The following LRCH1 variants were observed in gnomAD, a reference collection of about 807,000 sequenced individuals.
The protein encoded by LRCH1 is leucine rich repeats and calponin homology domain containing 1.
Under a neutral mutation model 94.9 loss-of-function variants are expected in LRCH1, and 23 were observed. The observed-to-expected ratio is 0.24, with a 90% CI of 0.17 to 0.34. The LOEUF (loss-of-function observed/expected upper bound fraction) is 0.34. Among genes scored for constraint, LRCH1 ranks in the 10% least tolerant of loss-of-function variants. LRCH1 has a pLI of 1.00. For missense variants in LRCH1, 790 were observed against 945.9 expected (o/e 0.84, Z 2.16); for synonymous variants, 364 against 354.9 (o/e 1.03, Z -0.29).
Position 46,692,780 on chromosome 13 carries a change from G to T in LRCH1, c.1120+139G>T. ...ACCAGGTACTGTGTTCTTCTGGGAA[G>T]TTGAGCTGATTTAAAATTTAAAAGT... On this transcript the variant is annotated intron_variant, in intron 8 of 19. Transcript: ENST00000389797. The T allele has an allele frequency of 4.8e-6, 3 of 626,932 alleles. No individual in the cohort carries two copies. The South Asian group carries it at 6.3e-5, about 13-fold the overall frequency. The allele number at this position is 626,932 out of a possible 1,614,324, so 38.8% of individuals were successfully genotyped here.
At chr13:46,560,761 C>T (rs2050121781) in intron 1 of LRCH1, among the ~76,000 whole-genome samples, 1 of 152,164 alleles carries the variant, frequency 6.6e-6, no homozygotes, top group Non-Finnish European at 1.5e-5. Flanking sequence ...CCAAGTCAGA[C>T]TTAATGTAGG....
At chr13:46,578,646 C>G (rs1005905604) in intron 1 of LRCH1, among the ~76,000 whole-genome samples, 7 of 152,188 alleles carry the variant, frequency 4.6e-5, no homozygotes, top group African/African-American at 1.4e-4. Context: ...ATATGCTGGT[C>G]TTTTGGACTC....
At chr13:46,642,131 T>C (rs1162458411) in intron 1 of LRCH1, among the ~76,000 whole-genome samples, 1 of 152,226 alleles carries the variant, frequency 6.6e-6, no homozygotes, top group Non-Finnish European at 1.5e-5. Flanking sequence ...ACTAAAGACA[T>C]GTGCTCTTCT....
Position 46,681,855 on chromosome 13 carries a change from G to T in LRCH1, c.685+9G>T. ...TAAAGTTTTACCACAAGGTAAAAAA[G>T]AAAGAGGGAAAATGAAGAAAATGGG... On this transcript the variant is annotated intron_variant, in intron 4 of 19. Coordinates refer to ENST00000389797, the MANE Select transcript of LRCH1 (RefSeq NM_001164211.2). 6.5e-7 allele frequency: 1 copy of T among 1,548,892 alleles called. No individual in the cohort carries two copies. Among genetic ancestry groups the T allele is most frequent in the Non-Finnish European group, 8.9e-7 (1 of 1,122,698 alleles).
intron 1 of LRCH1, among the ~76,000 whole-genome samples, chr13:46,634,133 C>T (rs1205724673): frequency 2.6e-5 from 4 of 152,190 alleles, no homozygotes; most frequent in Admixed American, 2.0e-4. Context: ...CCGCCTCAGC[C>T]TCCCAAAGTG....
chr13:46,681,738 C>T lies in LRCH1; in HGVS notation c.580-3C>T. Reference sequence around the variant, plus strand: ...ATTATTTCTCTCTCTGCTTTTGATACAGGATGTCAGCTGCAACGAGATCAC... The same window carrying T: ...ATTATTTCTCTCTCTGCTTTTGATATAGGATGTCAGCTGCAACGAGATCAC... On this transcript the variant is annotated splice_polypyrimidine_tract_variant and splice_region_variant and intron_variant, in intron 3 of 19. Transcript: ENST00000389797. 2.5e-6 allele frequency: 4 copies of T among 1,595,688 alleles called. No homozygotes were observed. Among genetic ancestry groups the T allele is most frequent in the Non-Finnish European group, 3.4e-6 (4 of 1,163,326 alleles).
In LRCH1 at chr13:46,701,053, T is replaced by A. The variant is rs1298180388; in HGVS notation, c.1314-68T>A. On this transcript the variant is annotated intron_variant, in intron 10 of 19. Coordinates refer to ENST00000389797, the MANE Select transcript of LRCH1 (RefSeq NM_001164211.2). ...AGATGGATTTTTGTAAGTTTGCTTT[T>A]TAAGAAATTAGATGATATTCATGTT... The A allele has an allele frequency of 4.1e-6, 4 of 979,238 alleles. No individual in the cohort carries two copies. In the Admixed American group the frequency reaches 6.0e-5, roughly 15 times the overall value. The allele number at this position is 979,238 out of a possible 1,614,324, so 60.7% of individuals were successfully genotyped here. A position where few individuals can be genotyped will look rare whatever the true frequency, so the allele number is the denominator to read the frequency against.
intron 1 of LRCH1, among the ~76,000 whole-genome samples, chr13:46,601,758 A>G (rs1024234961): frequency 6.6e-6 from 1 of 152,212 alleles, no homozygotes; most frequent in Non-Finnish European, 1.5e-5. Context: ...ATGATCACGT[A>G]GGACCAGGCT....
chr13:46,740,433 G>A (rs1275351945), intron 19 of LRCH1, among the ~76,000 whole-genome samples: 2 of 152,162 alleles, frequency 1.3e-5, no homozygotes, highest in Admixed American at 6.5e-5. Flanking sequence ...CTACTTAACT[G>A]AGGGTATCGA....
chr13:46,612,054 C>G (rs201353371), intron 1 of LRCH1, among the ~76,000 whole-genome samples: 1 of 151,994 alleles, frequency 6.6e-6, no homozygotes, highest in African/African-American at 2.4e-5. Flanking sequence ...TTTTCCCCAG[C>G]AAAACAAAAC....
Position 46,553,659 on chromosome 13 carries a change from G to C in LRCH1, c.263G>C (p.Arg88Pro), listed in dbSNP as rs960794885. 24 of 1,609,034 alleles carry C rather than the reference G, an allele frequency of 1.5e-5. No individual in the cohort carries two copies. The highest frequency in any genetic ancestry group is 2.0e-5 in the Non-Finnish European group (24 of 1,178,586). ...LSARKLKEFP[R>P]TAAPGHDLSD... ...GCCAGGAAATTGAAGGAATTTCCCC[G>C]TACCGCAGCCCCCGGGCACGACCTC... The change falls in exon 1 of 20, where the codon CGT becomes CCT. Residue 88 changes from arginine to proline, a missense_variant. Arg to Pro is a moderately radical substitution (Grantham distance 103, BLOSUM62 -2). Coordinates refer to ENST00000389797, the MANE Select transcript of LRCH1 (RefSeq NM_001164211.2).
At position 46,681,755 on chromosome 13, in the gene LRCH1, C is replaced by T. The variant is rs1232024751; in HGVS notation, c.594C>T (p.Asn198=). The change falls in exon 4 of 20, where the codon AAC becomes AAT. Residue 198 remains asparagine (N), a synonymous_variant. Coordinates refer to ENST00000389797, the MANE Select transcript of LRCH1 (RefSeq NM_001164211.2). Reference sequence around the variant, plus strand: ...TTTTGATACAGGATGTCAGCTGCAACGAGATCACAGCGTTGCCCCAGCAGA... The same window carrying T: ...TTTTGATACAGGATGTCAGCTGCAATGAGATCACAGCGTTGCCCCAGCAGA... ...KQLMELDVSC[N]EITALPQQIG... is the part of the protein sequence containing the mutation. The T allele has an allele frequency of 1.6e-5, 26 of 1,611,112 alleles. No homozygotes were observed. The highest frequency in any genetic ancestry group is 8.9e-5 in the East Asian group (4 of 44,864).
At chr13:46,569,729 G>C (rs768098960) in intron 1 of LRCH1, among the ~76,000 whole-genome samples, 1 of 152,130 alleles carries the variant, frequency 6.6e-6, no homozygotes, top group Non-Finnish European at 1.5e-5. Context: ...GGGCCTGTGT[G>C]GCTCCAGCTG....
At position 46,743,735 on chromosome 13, in the gene LRCH1, A is replaced by G. The variant is rs143895123; in HGVS notation, c.*1887A>G. ...CCCTTCTTTCTGGGGAGAAAATGGG[A>G]AAAAAAAAAAGAAAACTTACTGGGT... On this transcript the variant is annotated 3_prime_UTR_variant, in exon 20 of 20. Transcript: ENST00000389797. 0.07 allele frequency: 375 copies of G among 5,388 alleles called. 3 individuals carry two copies. The highest frequency in any genetic ancestry group is 0.24 in the Admixed American group (19 of 80). The allele number at this position is 5,388 out of a possible 1,614,324, so 0.3% of individuals were successfully genotyped here.
chr13:46,663,435 G>A (rs73193011), intron 2 of LRCH1, among the ~76,000 whole-genome samples: 5,119 of 152,192 alleles, frequency 0.034, 132 homozygotes, highest in Non-Finnish European at 0.053. Flanking sequence ...CAGTCATTAG[G>A]GGGAACCAGG....
At chr13:46,703,074 G>T (rs1176095733) in intron 11 of LRCH1, among the ~76,000 whole-genome samples, 1 of 152,190 alleles carries the variant, frequency 6.6e-6, no homozygotes, top group Non-Finnish European at 1.5e-5. Context: ...TATGTTCAAA[G>T]AGTTGAATTC....
chr13:46,561,605 C>G (rs558695930), intron 1 of LRCH1, among the ~76,000 whole-genome samples: 20 of 152,334 alleles, frequency 1.3e-4, no homozygotes, highest in Admixed American at 1.1e-3. Flanking sequence ...GGAGTAGCAT[C>G]AATATTTCTG....
intron 2 of LRCH1, among the ~76,000 whole-genome samples, chr13:46,660,064 T>G (rs2051426156): frequency 1.2e-5 from 1 of 81,530 alleles, no homozygotes; most frequent in South Asian, 4.6e-4. Flanking sequence ...CAGGCTGGAG[T>G]GCAGTGGCGC....
intron 3 of LRCH1, among the ~76,000 whole-genome samples, chr13:46,673,639 C>T (rs1438168617): frequency 6.6e-6 from 1 of 152,104 alleles, no homozygotes; most frequent in Non-Finnish European, 1.5e-5. Flanking sequence ...AGCCCTTTAG[C>T]GCCGAGACAG....
Sources: allele counts gnomAD v4.1 joint callset (sites outside exome capture counted in the v4.1 genomes callset), GRCh38; gene constraint gnomAD v4.1.1; transcripts MANE v1.5; gene names NCBI Gene and HGNC (gene_info 2026-07-23, HGNC 2026-07-21).